The following SLC24A2 variants were observed in gnomAD, a reference collection of about 807,000 sequenced individuals.
The protein encoded by SLC24A2 is sodium/potassium/calcium exchanger 2.
Under a neutral mutation model 62.0 loss-of-function variants are expected in SLC24A2, and 36 were observed. The observed-to-expected ratio is 0.58, with a 90% CI of 0.44 to 0.77. The LOEUF is 0.77. SLC24A2 is among the 30% of genes least tolerant of loss of function. The pLI is 0.00. For missense variants in SLC24A2, 846 were observed against 817.9 expected, an observed-to-expected ratio of 1.03 and a Z score of -0.42; for synonymous variants, 358 against 294.0, an observed-to-expected ratio of 1.22 and a Z score of -2.23.
At chr9:19,711,279 T>C (rs1268133386) in intron 2 of SLC24A2, among the ~76,000 whole-genome samples, 1 of 152,242 alleles carries the variant, frequency 6.6e-6, no homozygotes, top group Non-Finnish European at 1.5e-5. Context: ...ACGGCTAAAG[T>C]TGTATGTGCT....
chr9:20,227,178 A>C, the SLC24A2 span, among the ~76,000 whole-genome samples: 10 of 152,292 alleles, frequency 6.6e-5, no homozygotes, highest in Middle Eastern at 3.4e-3. Context: ...CTGCCATGAC[A>C]CACAGACTCA....
intron 2 of SLC24A2, among the ~76,000 whole-genome samples, chr9:19,685,568 T>A (rs889611873): frequency 4.6e-5 from 7 of 151,738 alleles, no homozygotes; most frequent in African/African-American, 1.7e-4. Flanking sequence ...CACATAGATC[T>A]ATGGACACAT....
chr9:20,027,183 C>A, the SLC24A2 span, among the ~76,000 whole-genome samples: 1 of 151,826 alleles, frequency 6.6e-6, no homozygotes, highest in African/African-American at 2.4e-5. Flanking sequence ...GAAAAGAGAA[C>A]CCTTGTACAC....
At chr9:19,956,772 A>G in the SLC24A2 span, among the ~76,000 whole-genome samples, 2 of 152,182 alleles carry the variant, frequency 1.3e-5, no homozygotes, top group Admixed American at 1.3e-4. Flanking sequence ...AGGAATTACA[A>G]TTAGAGATGA....
the SLC24A2 span, among the ~76,000 whole-genome samples, chr9:19,883,306 T>G: frequency 3.3e-5 from 5 of 152,218 alleles, no homozygotes; most frequent in Non-Finnish European, 7.3e-5. Context: ...AATTGTTATG[T>G]CTAGACTGAA....
intron 8 of SLC24A2, among the ~76,000 whole-genome samples, chr9:19,531,808 T>G (rs1284290866): frequency 1.3e-5 from 2 of 149,182 alleles, no homozygotes; most frequent in East Asian, 4.0e-4. Context: ...AGACAAATTA[T>G]TTAATCTCTT....
chr9:19,675,175 G>A (rs1819526275), intron 2 of SLC24A2, among the ~76,000 whole-genome samples: 1 of 152,150 alleles, frequency 6.6e-6, no homozygotes. Context: ...GGCTGGTACT[G>A]GGGGTGTCTG....
At chr9:19,739,486 CA>C (rs1433777537) in intron 2 of SLC24A2, among the ~76,000 whole-genome samples, 8 of 152,070 alleles carry the variant, frequency 5.3e-5, no homozygotes, top group Admixed American at 5.2e-4. Context: ...GAAGGACATA[CA>C]AACAGAGAAA....
At chr9:20,125,541 A>G in the SLC24A2 span, among the ~76,000 whole-genome samples, 1 of 152,188 alleles carries the variant, frequency 6.6e-6, no homozygotes, top group Non-Finnish European at 1.5e-5. Context: ...GTACAGGGTC[A>G]GGGGAAGGTG....
chr9:20,073,671 C>A, the SLC24A2 span, among the ~76,000 whole-genome samples: 86 of 151,988 alleles, frequency 5.7e-4, no homozygotes, highest in African/African-American at 2.0e-3. Flanking sequence ...CCACAGGACT[C>A]GTTAAAACTC....
At position 19,786,294 on chromosome 9, in the gene SLC24A2, T is replaced by C. The variant is rs1399369466; in HGVS notation, c.573A>G (p.Thr191=). 3.7e-6 allele frequency: 6 copies of C among 1,614,026 alleles called. No homozygotes were observed. The highest frequency in any genetic ancestry group is 5.1e-6 in the Non-Finnish European group (6 of 1,180,040). ...AAGGSAPELF[T]SLIGVFIAHS... ...GAGCGATAAATACCCCTATGAGAGA[T>C]GTGAAAAGTTCTGGGGCTGACCCTC... The change falls in exon 2 of 11, where the codon ACA becomes ACG. Residue 191 remains threonine (T), a synonymous_variant. Transcript: ENST00000341998. This position sits in a 1 kb window ranked among gnomAD's most constrained non-coding sequence, Gnocchi z 5.0.
the SLC24A2 span, among the ~76,000 whole-genome samples, chr9:20,287,992 A>G: frequency 1.3e-5 from 2 of 150,878 alleles, no homozygotes; most frequent in South Asian, 4.3e-4. Context: ...ATTTGATAAC[A>G]CTTTCTCTTT....
At chr9:20,091,385 C>A in the SLC24A2 span, among the ~76,000 whole-genome samples, 3 of 151,998 alleles carry the variant, frequency 2.0e-5, no homozygotes, top group African/African-American at 7.2e-5. Flanking sequence ...ATAAGAAGAT[C>A]ATCCTCAAGT....
chr9:19,782,671 T>C (rs917620043), intron 2 of SLC24A2, among the ~76,000 whole-genome samples: 2 of 152,212 alleles, frequency 1.3e-5, no homozygotes, highest in Admixed American at 6.5e-5. Context: ...TTCCAACTCA[T>C]TTTTCACTTA....
chr9:20,176,097 C>T, the SLC24A2 span, among the ~76,000 whole-genome samples: 228 of 152,024 alleles, frequency 1.5e-3, 1 homozygote, highest in Non-Finnish European at 1.2e-3. Context: ...TGGGCTTTTT[C>T]GTTCGTTCTT....
At chr9:19,978,055 A>C in the SLC24A2 span, among the ~76,000 whole-genome samples, 408 of 152,314 alleles carry the variant, frequency 2.7e-3, 2 homozygotes, top group African/African-American at 9.3e-3. Flanking sequence ...TGCCGGGATA[A>C]ATAGATGGGT....
the SLC24A2 span, among the ~76,000 whole-genome samples, chr9:19,879,045 T>C: frequency 1.3e-5 from 2 of 152,218 alleles, no homozygotes; most frequent in African/African-American, 2.4e-5. Context: ...ATCATTACCT[T>C]ATTGCAATTA....
the SLC24A2 span, among the ~76,000 whole-genome samples, chr9:20,160,389 G>A: frequency 2.6e-5 from 4 of 151,424 alleles, no homozygotes; most frequent in South Asian, 4.2e-4. Flanking sequence ...CTTAGGTCAA[G>A]TGGACAAAAA....
At chr9:20,065,617 A>T in the SLC24A2 span, among the ~76,000 whole-genome samples, 2 of 152,212 alleles carry the variant, frequency 1.3e-5, no homozygotes, top group African/African-American at 4.8e-5. Context: ...TGGGGTTCAA[A>T]AATCTTTTTT....
Sources: gnomAD v4.1 joint callset for allele counts (sites outside exome capture counted in the v4.1 genomes callset) on GRCh38, gnomAD v4.1.1 for gene constraint, Gnocchi (gnomAD v3.1) non-coding constraint, MANE v1.5 for transcripts, NCBI Gene and HGNC (gene_info 2026-07-23, HGNC 2026-07-21) for gene names.